Variants in USP7 observed in about 807,000 individuals in gnomAD.
USP7 encodes ubiquitin specific peptidase 7, also known as ubiquitin C-terminal hydrolase 7.
Under a neutral mutation model 162.9 loss-of-function variants are expected in USP7, and 9 were observed. That is an observed-to-expected ratio of 0.06 (90% CI 0.03 to 0.10). The LOEUF (loss-of-function observed/expected upper bound fraction) is 0.10, where lower values mean the gene tolerates loss of function less well. Ranked by LOEUF, USP7 falls within the 10% of genes least tolerant of loss-of-function variation. The pLI, the probability that USP7 is intolerant of heterozygous loss-of-function variation, is 1.00. For synonymous variants in USP7, 562 were observed against 475.9 expected (o/e 1.18, Z -2.35); for missense variants, 715 against 1,373.7 (o/e 0.52, Z 7.58).
chr16:8,929,598 T>G (rs1898201104), intron 2 of USP7: 1 of 455,894 alleles, frequency 2.2e-6, no homozygotes, highest in African/African-American at 2.0e-5. Context: ...TGACAGAACA[T>G]GGTTTCATAT....
rs1156763303 is a variant in USP7, at chr16:8,894,772, C to G, written c.3111+12G>C. 1 of 1,614,256 alleles carries G rather than the reference C, an allele frequency of 6.2e-7. No homozygotes were observed. ...TGGCCCGCCAAGCCCCCAGGAGGCCCCAGCTGCACACCTTCTCAAACTCCT... is the reference window on the plus strand; with the variant it reads ...TGGCCCGCCAAGCCCCCAGGAGGCCGCAGCTGCACACCTTCTCAAACTCCT... On this transcript the variant is annotated intron_variant, in intron 29 of 30. Transcript: ENST00000344836.
chr16:8,939,497 C>G (rs1898933148), intron 1 of USP7, among the ~76,000 whole-genome samples: 1 of 152,180 alleles, frequency 6.6e-6, no homozygotes, highest in Non-Finnish European at 1.5e-5. Context: ...AAATATTGGA[C>G]TGGTCCTGGT....
At chr16:8,930,980 A>AG (rs890250152) in intron 1 of USP7, among the ~76,000 whole-genome samples, 12 of 151,858 alleles carry the variant, frequency 7.9e-5, no homozygotes, top group Middle Eastern at 3.4e-3. Context: ...AATTAAAAAA[A>AG]AAAAAAAAAT....
At chr16:8,950,140 T>C (rs1474292659) in intron 1 of USP7, among the ~76,000 whole-genome samples, 2 of 152,236 alleles carry the variant, frequency 1.3e-5, no homozygotes, top group South Asian at 2.1e-4. Flanking sequence ...GCACATGAAA[T>C]ATGGCCATGG....
intron 3 of USP7, among the ~76,000 whole-genome samples, chr16:8,923,012 A>G (rs1897785033): frequency 6.6e-6 from 1 of 152,208 alleles, no homozygotes. Context: ...AGATTCTAAC[A>G]AACTATTTTT....
intron 25 of USP7, among the ~76,000 whole-genome samples, 170 bp downstream of exon 25, chr16:8,898,190 G>A (rs1253079330): frequency 6.6e-6 from 1 of 152,156 alleles, no homozygotes; most frequent in African/African-American, 2.4e-5. Flanking sequence ...GGCCTCAGGA[G>A]GTCCTGCCAG....
chr16:8,905,908 G>A (rs922971049), intron 13 of USP7, among the ~76,000 whole-genome samples: 26 of 152,092 alleles, frequency 1.7e-4, no homozygotes, highest in Non-Finnish European at 2.8e-4. Flanking sequence ...TCGTGCTGTC[G>A]GGTCCCTCCA....
intron 1 of USP7, 27 bp from the exon 2 acceptor site, chr16:8,930,424 G>A (rs372567919): frequency 1.7e-5 from 27 of 1,557,650 alleles, no homozygotes; most frequent in Non-Finnish European, 2.3e-5. Flanking sequence ...GAAATTCCAC[G>A]GGTTTTACAT....
At chr16:8,913,277 G>A (rs1441929518) in intron 10 of USP7, among the ~76,000 whole-genome samples, 1 of 152,084 alleles carries the variant, frequency 6.6e-6, no homozygotes, top group Non-Finnish European at 1.5e-5. Flanking sequence ...AATCACTTGA[G>A]CCCAGGAGGT....
intron 1 of USP7, among the ~76,000 whole-genome samples, chr16:8,946,419 T>C (rs117822796): frequency 0.013 from 1,929 of 152,010 alleles, 19 homozygotes; most frequent in Non-Finnish European, 0.018. Context: ...CATCTCTAAA[T>C]AAAGAAAAAA....
chr16:8,956,245 G>A (rs1899794605), intron 1 of USP7: 1 of 152,196 alleles, frequency 6.6e-6, no homozygotes, highest in African/African-American at 2.4e-5. Context: ...GGTTTCACAA[G>A]GGAGCCTCCT....
At chr16:8,926,153 CA>C (rs35060100) in intron 2 of USP7, among the ~76,000 whole-genome samples, 86,443 of 130,640 alleles carry the variant, frequency 0.66, 27,084 homozygotes, top group East Asian at 0.74. Context: ...GACTCCGTCT[CA>C]AAAAAAAAAA....
intron 1 of USP7, chr16:8,936,646 G>T: frequency 6.4e-7 from 1 of 1,554,032 alleles, no homozygotes; most frequent in South Asian, 1.2e-5. Flanking sequence ...CTCTGCTGGG[G>T]GATGGGGGAG....
At chr16:8,921,485 C>T (rs1897687213) in intron 3 of USP7, among the ~76,000 whole-genome samples, 190 bp from the exon 4 acceptor site, 1 of 152,254 alleles carries the variant, frequency 6.6e-6, no homozygotes, top group African/African-American at 2.4e-5. Context: ...GGGGCTCCCC[C>T]AGTGTATTCT....
rs112935927 is a variant in USP7 at position 8,920,550 on chromosome 16, C to CT, written c.523-104dup. The CT allele has an allele frequency of 1.3e-3, 1,251 of 933,048 alleles. 6 individuals are homozygous for CT. The highest frequency in any genetic ancestry group is 0.011 in the African/African-American group (628 of 59,084). 57.8% of individuals were successfully genotyped at this position (933,048 alleles called of 1,614,324 possible). On this transcript the variant is annotated intron_variant, in intron 4 of 30. Coordinates refer to ENST00000344836, the MANE Select transcript of USP7 (RefSeq NM_003470.3). ...CCTGTACTTAATAGAGATGAAAATACTTTTTTTTTAAATACATCCCAACTT... is the reference window on the plus strand; with the variant it reads ...CCTGTACTTAATAGAGATGAAAATACTTTTTTTTTTAAATACATCCCAACTT...
chr16:8,933,748 C>T (rs1408881258), intron 1 of USP7, among the ~76,000 whole-genome samples: 4 of 151,430 alleles, frequency 2.6e-5, no homozygotes, highest in African/African-American at 9.7e-5. Context: ...CCCTGCCTGG[C>T]CTATACAAAC....
At chr16:8,906,644 C>T in intron 12 of USP7, 62 bp from the exon 13 acceptor site, 1 of 1,522,146 alleles carries the variant, frequency 6.6e-7, no homozygotes, top group Non-Finnish European at 8.9e-7. Flanking sequence ...TCACACTTTA[C>T]AGTAAGTAAG....
At chr16:8,915,591 T>C (rs2062015490) in intron 8 of USP7, 66 bp from the exon 9 acceptor site, 2 of 1,337,518 alleles carry the variant, frequency 1.5e-6, no homozygotes, top group East Asian at 2.5e-5. Flanking sequence ...AGTAATTTTA[T>C]AATTGACTAG....
intron 1 of USP7, among the ~76,000 whole-genome samples, chr16:8,933,025 C>G (rs765175569): frequency 2.6e-5 from 4 of 152,034 alleles, no homozygotes; most frequent in Non-Finnish European, 2.9e-5. Flanking sequence ...ACTGCAACCT[C>G]TGCCTCCGGG....
Sources: gnomAD v4.1 joint callset for allele counts (sites outside exome capture counted in the v4.1 genomes callset) on GRCh38, gnomAD v4.1.1 for gene constraint, MANE v1.5 for transcripts, NCBI Gene and HGNC (gene_info 2026-07-23, HGNC 2026-07-21) for gene names.